GYG2: variants seen among roughly 807,000 people sequenced by gnomAD.
The protein encoded by GYG2 is glycogenin-2.
A neutral mutation model predicts 29.4 loss-of-function variants in GYG2; 29 were observed. That is an observed-to-expected ratio of 0.99 (90% confidence interval 0.74 to 1.35). The LOEUF (loss-of-function observed/expected upper bound fraction) is 1.35, where lower values mean the gene tolerates loss of function less well. Among genes scored for constraint, GYG2 ranks in the 40% most tolerant of loss-of-function variants. The pLI, the probability that GYG2 is intolerant of heterozygous loss-of-function variation, is 0.00. For synonymous variants in GYG2, 167 were observed against 172.3 expected, an observed-to-expected ratio of 0.97 and a Z score of 0.24; for missense variants, 370 against 385.7, an observed-to-expected ratio of 0.96 and a Z score of 0.34.
intron 6 of GYG2, among the ~76,000 whole-genome samples, chrX:2,857,632 A>G (rs1362081281): frequency 1.8e-5 from 2 of 110,581 alleles, no homozygotes; most frequent in Admixed American, 9.8e-5. Flanking sequence ...ACATCTATCT[A>G]TATATTAATA....
chrX:2,856,008 G>A (rs1348421865), intron 5 of GYG2, among the ~76,000 whole-genome samples: 1 of 112,173 alleles, frequency 8.9e-6, no homozygotes, highest in Non-Finnish European at 1.9e-5. Context: ...TTGACCCATG[G>A]TAGAATATAG....
intron 6 of GYG2, among the ~76,000 whole-genome samples, chrX:2,858,534 G>A (rs746137997): frequency 1.8e-4 from 20 of 111,264 alleles, no homozygotes; most frequent in African/African-American, 5.9e-4. Flanking sequence ...CAAGGGTGAG[G>A]GGACCAGAGG....
chrX:2,850,118 A>AAAT (rs927910393), intron 3 of GYG2, among the ~76,000 whole-genome samples: 4 of 103,498 alleles, frequency 3.9e-5, no homozygotes, highest in African/African-American at 1.5e-4. Context: ...CCCTGTCTCA[A>AAAT]AATAATAATA....
At chrX:2,879,806 T>C (rs1267161690) in intron 10 of GYG2, among the ~76,000 whole-genome samples, 1 of 110,712 alleles carries the variant, frequency 9.0e-6, no homozygotes, top group Non-Finnish European at 1.9e-5. Flanking sequence ...GATAGATTGA[T>C]AGAAAGTAGA....
intron 6 of GYG2, among the ~76,000 whole-genome samples, chrX:2,858,604 C>T (rs759006174): frequency 1.8e-5 from 2 of 112,025 alleles, no homozygotes; most frequent in South Asian, 3.7e-4. Context: ...ATCTGAGAAT[C>T]ACCTTGGGAA....
At chrX:2,870,034 G>C (rs2088421648) in intron 8 of GYG2, among the ~76,000 whole-genome samples, 1 of 110,435 alleles carries the variant, frequency 9.1e-6, no homozygotes, top group South Asian at 3.8e-4. Context: ...ATCTTCTCCA[G>C]CGTTTTGTCT....
intron 2 of GYG2, chrX:2,842,972 C>A (rs1303362387): frequency 2.4e-6 from 1 of 419,178 alleles, no homozygotes; most frequent in Non-Finnish European, 4.3e-6. Flanking sequence ...GCCACCACGC[C>A]CAGCTAATTT....
chrX:2,840,875 T>C (rs7060302), intron 2 of GYG2, among the ~76,000 whole-genome samples: 1,228 of 111,092 alleles, frequency 0.011, 33 homozygotes, highest in African/African-American at 0.038. Flanking sequence ...AGATAGATAA[T>C]AAATAATAGA....
At chrX:2,864,532 C>T (rs1864873338) in intron 8 of GYG2, among the ~76,000 whole-genome samples, 1 of 110,577 alleles carries the variant, frequency 9.0e-6, no homozygotes, top group South Asian at 3.9e-4. Flanking sequence ...TCCCTGCTTA[C>T]TGATATTGGG....
At chrX:2,832,881 A>T (rs918211028) in intron 2 of GYG2, among the ~76,000 whole-genome samples, 2 of 111,860 alleles carry the variant, frequency 1.8e-5, no homozygotes, top group Non-Finnish European at 3.8e-5. Context: ...ATCAGAGCCC[A>T]CCCTAGTGAC....
Position 2,854,079 on chromosome X carries a change from G to A in GYG2, c.249G>A (p.Gly83=), listed in dbSNP as rs2087925662. The A allele has an allele frequency of 8.3e-7, 1 of 1,205,541 alleles. No individual in the cohort carries two copies. Among genetic ancestry groups the A allele is most frequent in the Non-Finnish European group, 1.1e-6 (1 of 890,298 alleles). ...CCTTTCTGAAGAGACCTGAGCTCGG[G>A]CTCACCCTCACCAAGCTTCACTGTT... is the stretch of plus-strand genomic sequence containing the variant. ...HLAFLKRPEL[G]LTLTKLHCWT... Residue 83 remains glycine (G), a synonymous_variant, in exon 4 of 11, where the codon GGG becomes GGA. Transcript: ENST00000398806.
Position 2,833,693 on chromosome X carries a change from G to T in GYG2, c.7+3498G>T, listed in dbSNP as rs1383603125. 4.4e-5 allele frequency among the ~76,000 whole-genome samples: 5 copies of T among 112,362 alleles called. No individual in the cohort carries two copies. In the Admixed American group the frequency reaches 4.7e-4, roughly 11 times the overall value. On this transcript the variant is annotated intron_variant, in intron 2 of 10. Coordinates refer to ENST00000398806, the MANE Select transcript of GYG2 (RefSeq NM_001079855.2). ...ATTGATCACTCTGTCATTTCTTTCAGTTGTCACTGAGATCCTCATGAAGGG... is the reference window on the plus strand; with the variant it reads ...ATTGATCACTCTGTCATTTCTTTCATTTGTCACTGAGATCCTCATGAAGGG...
At chrX:2,871,385 C>CT (rs1350553371) in intron 8 of GYG2, among the ~76,000 whole-genome samples, 1 of 56,122 alleles carries the variant, frequency 1.8e-5, no homozygotes, top group Non-Finnish European at 5.2e-5. Flanking sequence ...CTCTGATGCA[C>CT]TTAAAAAAAA....
intron 2 of GYG2, among the ~76,000 whole-genome samples, chrX:2,836,104 A>G (rs2087366025): frequency 9.0e-6 from 1 of 111,253 alleles, no homozygotes; most frequent in Admixed American, 9.6e-5. Flanking sequence ...TTGAAGACCC[A>G]GAGGGGTTGA....
intron 3 of GYG2, among the ~76,000 whole-genome samples, chrX:2,844,771 T>C (rs79394487): frequency 0.016 from 858 of 53,809 alleles, 292 homozygotes; most frequent in African/African-American, 0.061. Context: ...TATGTGTATA[T>C]GTACACGTAT....
chrX:2,849,615 G>C (rs1407062122), intron 3 of GYG2, among the ~76,000 whole-genome samples: 3 of 112,145 alleles, frequency 2.7e-5, no homozygotes, highest in Non-Finnish European at 5.6e-5. Context: ...ATGCCTTTCT[G>C]TATCAATCTG....
At chrX:2,872,655 T>G (rs1235483205) in intron 8 of GYG2, among the ~76,000 whole-genome samples, 2 of 112,523 alleles carry the variant, frequency 1.8e-5, no homozygotes, top group Non-Finnish European at 3.8e-5. Flanking sequence ...CCCGTGGAAC[T>G]TATTTATGTG....
At chrX:2,857,789 G>C (rs1459640083) in intron 6 of GYG2, among the ~76,000 whole-genome samples, 1 of 110,748 alleles carries the variant, frequency 9.0e-6, no homozygotes, top group East Asian at 2.8e-4. Flanking sequence ...GTGGCCCAAG[G>C]AACCCTGACC....
intron 10 of GYG2, among the ~76,000 whole-genome samples, 185 bp from the exon 11 acceptor site, chrX:2,880,867 A>C: frequency 8.9e-6 from 1 of 112,174 alleles, no homozygotes; most frequent in Non-Finnish European, 1.9e-5. Flanking sequence ...TGACTGCACC[A>C]CTGCACTCCA....
Sources: gnomAD v4.1 joint callset for allele counts (sites outside exome capture counted in the v4.1 genomes callset) on GRCh38, gnomAD v4.1.1 for gene constraint, MANE v1.5 for transcripts, NCBI Gene and HGNC (gene_info 2026-07-23, HGNC 2026-07-21) for gene names.